Variants in PEX11G observed in about 807,000 individuals in gnomAD.
The protein encoded by PEX11G is peroxisomal membrane protein 11C.
In PEX11G, 20 loss-of-function variants were observed where a neutral mutation model predicts 22.5. The ratio of observed to expected loss-of-function variants is 0.89; its 90% CI spans 0.62 to 1.29. The LOEUF is 1.29. Among genes scored for constraint, PEX11G ranks in the 50% most tolerant of loss-of-function variants. The probability of loss-of-function intolerance (pLI) is 0.00; values close to 1 mark genes in which losing one functional copy is unlikely to be tolerated. For missense variants in PEX11G, 347 were observed against 331.3 expected (o/e 1.05, Z -0.37); for synonymous variants, 141 against 154.5 (o/e 0.91, Z 0.65).
In PEX11G at chr19:7,488,821, G is replaced by C. The variant is rs562924790; in HGVS notation, c.60+130C>G. 43 of 936,926 alleles carry C rather than the reference G, an allele frequency of 4.6e-5. No individual in the cohort carries two copies. In the African/African-American group the frequency reaches 6.5e-4, roughly 14 times the overall value. The allele number at this position is 936,926 out of a possible 1,614,324, so 58.0% of individuals were successfully genotyped here. A position where few individuals can be genotyped will look rare whatever the true frequency, so the allele number is the denominator to read the frequency against. On this transcript the variant is annotated intron_variant, in intron 1 of 4. Transcript: ENST00000221480. Reference sequence around the variant, plus strand: ...TGTCCAATGCTAGGGCACCGCATTTGAGCCTAGCTCGGACGGGGCCTCTGC... The same window carrying C: ...TGTCCAATGCTAGGGCACCGCATTTCAGCCTAGCTCGGACGGGGCCTCTGC...
At chr19:7,484,094 G>A (rs1382461408) in intron 2 of PEX11G, among the ~76,000 whole-genome samples, 1 of 152,096 alleles carries the variant, frequency 6.6e-6, no homozygotes, top group African/African-American at 2.4e-5. Context: ...GGTGGCTCAC[G>A]CCTGTCATCC....
At chr19:7,489,500 G>C (rs897687692), upstream of PEX11G, 33 of 987,196 alleles carry the variant, frequency 3.3e-5, no homozygotes, top group Non-Finnish European at 3.9e-5. Context: ...ATCTTTGGAC[G>C]TTAAGAATTG....
chr19:7,483,000 T>G (rs891369651), intron 2 of PEX11G, among the ~76,000 whole-genome samples: 17 of 152,306 alleles, frequency 1.1e-4, no homozygotes, highest in Admixed American at 2.6e-4. Context: ...CAGTTGAGGC[T>G]GTAGAAACCA....
rs1387168440 is a variant in PEX11G, at chr19:7,486,118, G to A, written c.61-92C>T. ...ACCTGGCCCCGGGCCCCGCTGGATT[G>A]AGAGTGTGGAAGATTCTCTTTTTTT... On this transcript the variant is annotated intron_variant, in intron 1 of 4. Coordinates refer to ENST00000221480, the MANE Select transcript of PEX11G (RefSeq NM_080662.4). The A allele has an allele frequency of 8.1e-6, 9 of 1,109,680 alleles. No individual in the cohort carries two copies. In the Admixed American group the frequency reaches 1.3e-4, roughly 16 times the overall value. 68.7% of individuals were successfully genotyped at this position (1,109,680 alleles called of 1,614,324 possible). A position where few individuals can be genotyped will look rare whatever the true frequency, so the allele number is the denominator to read the frequency against.
intron 3 of PEX11G, 36 bp from the exon 4 acceptor site, chr19:7,478,412 G>A (rs373075357): frequency 2.1e-5 from 33 of 1,586,452 alleles, no homozygotes; most frequent in African/African-American, 5.4e-5. Context: ...ATGCCCCGGC[G>A]GGGAGCAGGA....
chr19:7,489,273 C>A, upstream of PEX11G: 1 of 1,243,896 alleles, frequency 8.0e-7, no homozygotes, highest in East Asian at 3.5e-5. Flanking sequence ...CAACTACCCA[C>A]GCACAAAAAA....
Position 7,477,316 on chromosome 19 carries a change from C to T in PEX11G, c.612G>A (p.Leu204=). 2 of 1,561,724 alleles carry T rather than the reference C, an allele frequency of 1.3e-6. No individual in the cohort carries two copies. The highest frequency in any genetic ancestry group is 2.4e-5 in the South Asian group (2 of 84,874). ...GCCACGGCGGGAAGCGGCCGGCCCA[C>T]AGCACGCCCCGGGGCAGCCAGTGCA... ...NAVHWLPRGV[L]WAGRFPPWLV... The change falls in exon 5 of 5, where the codon CTG becomes CTA. Residue 204 remains leucine (L), a synonymous_variant. Transcript: ENST00000221480.
At chr19:7,489,266 C>A, upstream of PEX11G, 2 of 1,255,570 alleles carry the variant, frequency 1.6e-6, no homozygotes, top group Non-Finnish European at 2.0e-6. Context: ...GTTTGGCCAA[C>A]TACCCACGCA....
At chr19:7,477,808 C>T (rs1055298667) in intron 4 of PEX11G, among the ~76,000 whole-genome samples, 3 of 152,202 alleles carry the variant, frequency 2.0e-5, no homozygotes, top group African/African-American at 4.8e-5. Context: ...ATCAGGATGA[C>T]ACAGTGACGA....
chr19:7,478,379 G>A lies in PEX11G; in HGVS notation c.429-3C>T. 1 of 1,608,896 alleles carries A rather than the reference G, an allele frequency of 6.2e-7. No individual in the cohort carries two copies. Among genetic ancestry groups the A allele is most frequent in the East Asian group, 2.2e-5 (1 of 44,710 alleles). On this transcript the variant is annotated splice_region_variant and splice_polypyrimidine_tract_variant and intron_variant, in intron 3 of 4. Transcript: ENST00000221480. ...GTTTCAGCAGCATCCACAGGGACCT[G>A]CAGCACCAGAGCCCGAGGGAGGATG... is the stretch of plus-strand genomic sequence containing the variant.
intron 3 of PEX11G, among the ~76,000 whole-genome samples, chr19:7,479,345 G>A (rs1421738642): frequency 2.6e-5 from 4 of 152,178 alleles, no homozygotes; most frequent in South Asian, 2.1e-4. Context: ...TTAGCTGGGG[G>A]TGGTGGTGGG....
intron 1 of PEX11G, among the ~76,000 whole-genome samples, chr19:7,486,668 C>T (rs991783122): frequency 1.3e-4 from 20 of 151,976 alleles, no homozygotes; most frequent in African/African-American, 4.8e-4. Flanking sequence ...GGCGCGATCT[C>T]GGCTCACTGC....
At chr19:7,492,343 TTA>T (rs1279783713), upstream of PEX11G, among the ~76,000 whole-genome samples, 1 of 152,234 alleles carries the variant, frequency 6.6e-6, no homozygotes, top group Non-Finnish European at 1.5e-5. Flanking sequence ...CCTTTTTTGA[TTA>T]TGATAGCCAT....
At chr19:7,484,564 AGAGTTC>A (rs1260089017) in intron 2 of PEX11G, among the ~76,000 whole-genome samples, 1 of 151,882 alleles carries the variant, frequency 6.6e-6, no homozygotes, top group Non-Finnish European at 1.5e-5. Flanking sequence ...CTTGAGGTCA[AGAGTTC>A]GAGACTAGCC....
rs1977394783 is a variant in PEX11G at position 7,479,575 on chromosome 19, C to CA, written c.429-1200dup. 2.6e-5 allele frequency among the ~76,000 whole-genome samples: 4 copies of CA among 152,258 alleles called. No individual in the cohort carries two copies. In the South Asian group the frequency reaches 8.3e-4, roughly 31 times the overall value. ...GCTCCGGCAGCCCTGGGCCTTAGGG[C>CA]AGATGTCTGGTCATGATGAGCACAC... On this transcript the variant is annotated intron_variant, in intron 3 of 4. Transcript: ENST00000221480.
chr19:7,489,125 C>T (rs538206379), upstream of PEX11G: 13 of 1,278,710 alleles, frequency 1.0e-5, no homozygotes, highest in Admixed American at 3.9e-5. Flanking sequence ...AGGCCTTTGT[C>T]CCCCTGACCG....
At chr19:7,478,493 G>GC in intron 3 of PEX11G, 117 bp from the exon 4 acceptor site, 1 of 1,073,644 alleles carries the variant, frequency 9.3e-7, no homozygotes, top group Non-Finnish European at 1.4e-6. Flanking sequence ...TAAACGGCCT[G>GC]CCCTCTCCCT....
intron 1 of PEX11G, among the ~76,000 whole-genome samples, chr19:7,488,425 G>A (rs2021759126): frequency 1.3e-5 from 2 of 152,236 alleles, no homozygotes; most frequent in South Asian, 4.1e-4. Context: ...CAGTGGCCTG[G>A]TCGGATCCAA....
intron 3 of PEX11G, among the ~76,000 whole-genome samples, chr19:7,479,928 C>T (rs530876876): frequency 2.0e-5 from 3 of 152,208 alleles, no homozygotes; most frequent in Non-Finnish European, 2.9e-5. Flanking sequence ...GCTCTCTGAA[C>T]GTTATGCTCA....
Sources: gnomAD v4.1 joint callset for allele counts (sites outside exome capture counted in the v4.1 genomes callset) on GRCh38, gnomAD v4.1.1 for gene constraint, MANE v1.5 for transcripts, NCBI Gene and HGNC (gene_info 2026-07-23, HGNC 2026-07-21) for gene names.